The following UTP14A variants were observed in gnomAD, a reference collection of about 807,000 sequenced individuals.
UTP14A encodes the protein UTP14A small subunit processome component, also known as U3 small nucleolar RNA-associated protein 14 homolog A.
A neutral mutation model predicts 57.2 loss-of-function variants in UTP14A; 5 were observed. The ratio of observed to expected loss-of-function variants is 0.09; its 90% CI spans 0.05 to 0.18. The LOEUF is 0.18. UTP14A is among the 10% of genes least tolerant of loss of function. The probability of loss-of-function intolerance (pLI) is 1.00; values close to 1 mark genes in which losing one functional copy is unlikely to be tolerated. For synonymous variants in UTP14A, 169 were observed against 210.9 expected (o/e 0.80, Z 1.72); for missense variants, 430 against 562.1 (o/e 0.76, Z 2.38).
intron 6 of UTP14A, among the ~76,000 whole-genome samples, chrX:129,913,675 AGTTT>A (rs778894598): frequency 3.3e-4 from 37 of 112,248 alleles, no homozygotes; most frequent in Admixed American, 5.7e-4. Flanking sequence ...GAAAATGCCA[AGTTT>A]GTTATTAAAA....
chrX:129,921,187 C>A lies in UTP14A; in HGVS notation c.955-7C>A, dbSNP rs748273237. 1.3e-5 allele frequency: 15 copies of A among 1,194,296 alleles called. No homozygotes were observed. The highest frequency in any genetic ancestry group is 1.7e-5 in the Non-Finnish European group (15 of 887,945). ...CAGGGCTCTCATGCTGTGACTCTTTCCTCCAGGCTCGCCAAGCTATGCAGG... is the reference window on the plus strand; with the variant it reads ...CAGGGCTCTCATGCTGTGACTCTTTACTCCAGGCTCGCCAAGCTATGCAGG... On this transcript the variant is annotated splice_polypyrimidine_tract_variant and splice_region_variant and intron_variant, in intron 10 of 14. Transcript: ENST00000394422.
At chrX:129,925,897 G>A in intron 12 of UTP14A, 22 bp from the exon 13 acceptor site, 1 of 1,206,958 alleles carries the variant, frequency 8.3e-7, no homozygotes, top group African/African-American at 1.7e-5. Context: ...CCAAGCTGTA[G>A]CTCTCGCTTG....
intron 1 of UTP14A, among the ~76,000 whole-genome samples, chrX:129,907,029 T>TAGGAA (rs1929280684): frequency 1.8e-5 from 2 of 110,517 alleles, no homozygotes; most frequent in African/African-American, 6.6e-5. Flanking sequence ...CCATAGGTCA[T>TAGGAA]AGGAAATGTT....
chrX:129,907,249 C>A, intron 1 of UTP14A, 118 bp from the exon 2 acceptor site: 1 of 558,781 alleles, frequency 1.8e-6, no homozygotes, highest in South Asian at 3.6e-5. Flanking sequence ...TTAGACATTG[C>A]TTCAAATAAT....
At chrX:129,924,711 C>T in intron 11 of UTP14A, 84 bp from the exon 12 acceptor site, 2 of 1,103,337 alleles carry the variant, frequency 1.8e-6, no homozygotes, top group Admixed American at 2.9e-5. Context: ...GTACCTAGCA[C>T]TTGGTGGGTG....
chrX:129,911,659 A>AT, intron 5 of UTP14A, 107 bp from the exon 6 acceptor site: 3 of 977,922 alleles, frequency 3.1e-6, no homozygotes, highest in Non-Finnish European at 4.2e-6. Flanking sequence ...TAGCATCCTG[A>AT]TTCTTTCTTG....
chrX:129,910,210 G>C (rs1437822039), intron 4 of UTP14A, among the ~76,000 whole-genome samples: 3 of 111,618 alleles, frequency 2.7e-5, no homozygotes, highest in African/African-American at 9.8e-5. Flanking sequence ...TGAAGAATAG[G>C]AAAGAGGCCC....
chrX:129,918,524 TA>T (rs1272553661), intron 6 of UTP14A, among the ~76,000 whole-genome samples: 2 of 110,565 alleles, frequency 1.8e-5, no homozygotes, highest in Non-Finnish European at 3.8e-5. Flanking sequence ...TACATAACAA[TA>T]CAGGGACTCA....
At chrX:129,923,228 G>A (rs1331412885) in intron 11 of UTP14A, among the ~76,000 whole-genome samples, 2 of 112,102 alleles carry the variant, frequency 1.8e-5, no homozygotes, top group Non-Finnish European at 3.8e-5. Context: ...CTTGGGAATG[G>A]AGGCAACTTG....
rs753557664 is a variant in UTP14A, at chrX:129,925,212, T to A, written c.1749+17T>A. ...GAGGAGCTGGTGAGCAGAGCCAGGG[T>A]GGTGGGCCATTGTTCAGAAAGTGTC... On this transcript the variant is annotated intron_variant, in intron 12 of 14. Coordinates refer to ENST00000394422, the MANE Select transcript of UTP14A (RefSeq NM_006649.4). The A allele has an allele frequency of 8.4e-7, 1 of 1,191,426 alleles. No homozygotes were observed. The highest frequency in any genetic ancestry group is 1.8e-5 in the African/African-American group (1 of 56,016).
intron 6 of UTP14A, 30 bp downstream of exon 6, chrX:129,911,951 G>C (rs776869227): frequency 8.3e-7 from 1 of 1,202,411 alleles, no homozygotes; most frequent in East Asian, 3.0e-5. Context: ...ACTGAAAGGT[G>C]AGATTTTATA....
chrX:129,912,632 A>T (rs1807911186), intron 6 of UTP14A, among the ~76,000 whole-genome samples: 1 of 111,319 alleles, frequency 9.0e-6, no homozygotes, highest in South Asian at 3.7e-4. Flanking sequence ...TATGTGAACA[A>T]CAGAAGCCAA....
intron 6 of UTP14A, among the ~76,000 whole-genome samples, chrX:129,917,848 C>G (rs1929747679): frequency 9.1e-6 from 1 of 110,417 alleles, no homozygotes; most frequent in African/African-American, 3.3e-5. Context: ...TTTTTTCAGG[C>G]AATATCCTTT....
intron 12 of UTP14A, 145 bp from the exon 13 acceptor site, chrX:129,925,774 T>G: frequency 1.5e-6 from 1 of 679,944 alleles, no homozygotes; most frequent in Non-Finnish European, 2.2e-6. Flanking sequence ...CATGATTGGC[T>G]GTGCACTGGT....
chrX:129,919,081 T>G, intron 6 of UTP14A, 94 bp from the exon 7 acceptor site: 1 of 1,154,534 alleles, frequency 8.7e-7, no homozygotes. Context: ...TGATTCCAAT[T>G]ATAGTGTCAT....
chrX:129,924,650 A>G (rs1930034385), intron 11 of UTP14A, 145 bp from the exon 12 acceptor site: 9 of 734,858 alleles, frequency 1.2e-5, no homozygotes, highest in Middle Eastern at 6.3e-4. Flanking sequence ...AGGAGATTCA[A>G]TGTACAGAAT....
chrX:129,913,790 G>A (rs1929571220), intron 6 of UTP14A, among the ~76,000 whole-genome samples: 1 of 111,293 alleles, frequency 9.0e-6, no homozygotes, highest in Non-Finnish European at 1.9e-5. Flanking sequence ...AGACCATCCT[G>A]GCCAACATGG....
At position 129,907,873 on chromosome X, in the gene UTP14A, A is replaced by G. The variant is rs562385677; in HGVS notation, c.103-187A>G. ...TGGGAGGCTGAGGCAGGAGAATGGC[A>G]TGAACCTGGGAGGCGGAGCTTGCAG... On this transcript the variant is annotated intron_variant, in intron 2 of 14. Transcript: ENST00000394422. 1.1e-4 allele frequency among the ~76,000 whole-genome samples: 12 copies of G among 111,811 alleles called. No individual in the cohort carries two copies. In the South Asian group the frequency reaches 1.5e-3, roughly 14 times the overall value.
intron 2 of UTP14A, among the ~76,000 whole-genome samples, chrX:129,907,825 A>G (rs1036813458): frequency 6.3e-5 from 7 of 111,330 alleles, no homozygotes; most frequent in Admixed American, 2.9e-4. Context: ...GCGTGGTGGC[A>G]GGCGCCTGTA....
Sources: allele counts gnomAD v4.1 joint callset (sites outside exome capture counted in the v4.1 genomes callset), GRCh38; gene constraint gnomAD v4.1.1; transcripts MANE v1.5; gene names NCBI Gene and HGNC (gene_info 2026-07-23, HGNC 2026-07-21).